The following OSBPL8 variants were observed in gnomAD, a reference collection of about 807,000 sequenced individuals.
The protein encoded by OSBPL8 is oxysterol-binding protein-related protein 8.
Under a neutral mutation model 125.5 loss-of-function variants are expected in OSBPL8, and 59 were observed. The ratio of observed to expected loss-of-function variants is 0.47; its 90% CI spans 0.38 to 0.58. OSBPL8 has a LOEUF of 0.58. Among genes scored for constraint, OSBPL8 ranks in the 20% least tolerant of loss-of-function variants. The pLI, the probability that OSBPL8 is intolerant of heterozygous loss-of-function variation, is 0.00. For synonymous variants in OSBPL8, 330 were observed against 338.9 expected, an observed-to-expected ratio of 0.97 and a Z score of 0.29; for missense variants, 758 against 1,047.8, an observed-to-expected ratio of 0.72 and a Z score of 3.82.
At chr12:76,532,930 A>T (rs777092305) in intron 1 of OSBPL8, among the ~76,000 whole-genome samples, 1 of 152,228 alleles carries the variant, frequency 6.6e-6, no homozygotes, top group Admixed American at 6.5e-5. Flanking sequence ...ATCTTGGAAG[A>T]AAATGAGCTT....
intron 21 of OSBPL8, among the ~76,000 whole-genome samples, chr12:76,361,594 C>T (rs1019170393): frequency 1.2e-4 from 19 of 152,080 alleles, no homozygotes; most frequent in African/African-American, 4.3e-4. Context: ...AAAGACATAC[C>T]CGAGATGGGA....
chr12:76,512,572 G>A (rs1188948902), intron 1 of OSBPL8, among the ~76,000 whole-genome samples: 3 of 152,142 alleles, frequency 2.0e-5, no homozygotes, highest in Non-Finnish European at 2.9e-5. Context: ...GTTCCATACT[G>A]TTTTTGTTAC....
At chr12:76,415,304 G>A (rs1394865587) in intron 4 of OSBPL8, among the ~76,000 whole-genome samples, 1 of 150,152 alleles carries the variant, frequency 6.7e-6, no homozygotes, top group Non-Finnish European at 1.5e-5. Context: ...CTGGAGTGCA[G>A]TGGCACGATC....
At chr12:76,525,542 T>TAAC (rs3043336) in intron 1 of OSBPL8, among the ~76,000 whole-genome samples, 77,087 of 151,696 alleles carry the variant, frequency 0.51, 21,311 homozygotes, top group African/African-American at 0.72. Flanking sequence ...CATATGCTCT[T>TAAC]AACTGATAAT....
chr12:76,478,162 T>C (rs1288463293), intron 2 of OSBPL8, among the ~76,000 whole-genome samples: 1 of 151,804 alleles, frequency 6.6e-6, no homozygotes, highest in African/African-American at 2.4e-5. Context: ...AGACTGCGCC[T>C]CTGCACTCCA....
At chr12:76,536,490 T>TTATCATA (rs1950501561) in intron 1 of OSBPL8, among the ~76,000 whole-genome samples, 1 of 152,210 alleles carries the variant, frequency 6.6e-6, no homozygotes, top group South Asian at 2.1e-4. Flanking sequence ...ATCTTATCAC[T>TTATCATA]GTACTACTTA....
chr12:76,414,794 T>C (rs1215619214), intron 4 of OSBPL8, among the ~76,000 whole-genome samples: 1 of 152,188 alleles, frequency 6.6e-6, no homozygotes, highest in Admixed American at 6.5e-5. Flanking sequence ...GTTCACTCCT[T>C]CTAGTTTTCT....
At chr12:76,384,515 TA>T (rs1190220999) in intron 14 of OSBPL8, among the ~76,000 whole-genome samples, 165 bp from the exon 15 acceptor site, 5 of 152,214 alleles carry the variant, frequency 3.3e-5, no homozygotes, top group Non-Finnish European at 7.4e-5. Flanking sequence ...ATGGTTATAG[TA>T]ACCAGCCTCC....
intron 1 of OSBPL8, among the ~76,000 whole-genome samples, chr12:76,516,740 TG>T (rs1377255851): frequency 6.6e-6 from 1 of 151,730 alleles, no homozygotes; most frequent in African/African-American, 2.4e-5. Flanking sequence ...ATATGGTTGA[TG>T]AAGGAAACAT....
chr12:76,476,455 T>C (rs1457016637), intron 2 of OSBPL8, among the ~76,000 whole-genome samples: 1 of 151,990 alleles, frequency 6.6e-6, no homozygotes, highest in Non-Finnish European at 1.5e-5. Flanking sequence ...AACAAGCAAA[T>C]ATTTTTAAAG....
intron 1 of OSBPL8, among the ~76,000 whole-genome samples, chr12:76,502,246 C>T (rs1289412361): frequency 3.3e-5 from 5 of 152,182 alleles, no homozygotes; most frequent in African/African-American, 9.6e-5. Context: ...ATGGAAGTGA[C>T]ATCATCCACT....
At chr12:76,552,769 G>A (rs188342446) in intron 1 of OSBPL8, among the ~76,000 whole-genome samples, 70 of 152,240 alleles carry the variant, frequency 4.6e-4, no homozygotes, top group African/African-American at 1.4e-3. Flanking sequence ...GCTAGTAAGT[G>A]GCTGTACCAG....
chr12:76,372,522 C>A (rs1018480538), intron 18 of OSBPL8, among the ~76,000 whole-genome samples: 3 of 151,890 alleles, frequency 2.0e-5, no homozygotes, highest in African/African-American at 7.3e-5. Flanking sequence ...GCTGCTTTAT[C>A]TTTTTTCCAG....
intron 4 of OSBPL8, among the ~76,000 whole-genome samples, chr12:76,440,572 T>G (rs1460735386): frequency 1.3e-5 from 2 of 152,032 alleles, no homozygotes; most frequent in Non-Finnish European, 2.9e-5. Flanking sequence ...ATAATATGGA[T>G]TTTGACCCCA....
chr12:76,449,384 T>C (rs1873103760), intron 4 of OSBPL8, among the ~76,000 whole-genome samples: 1 of 152,252 alleles, frequency 6.6e-6, no homozygotes, highest in African/African-American at 2.4e-5. Context: ...CCTGAACTTC[T>C]GGGAGTACCC....
chr12:76,464,919 T>C (rs1472923459), intron 2 of OSBPL8, among the ~76,000 whole-genome samples: 1 of 152,156 alleles, frequency 6.6e-6, no homozygotes, highest in Non-Finnish European at 1.5e-5. Flanking sequence ...ATCTGAAGAG[T>C]GCTCTATTTA....
intron 1 of OSBPL8, among the ~76,000 whole-genome samples, chr12:76,515,370 T>G (rs1881428473): frequency 6.6e-6 from 1 of 152,224 alleles, no homozygotes; most frequent in Non-Finnish European, 1.5e-5. Context: ...GTGCAGGATC[T>G]TTATTTCATG....
chr12:76,364,779 G>GT (rs1952350580), intron 21 of OSBPL8, among the ~76,000 whole-genome samples: 1 of 152,122 alleles, frequency 6.6e-6, no homozygotes, highest in South Asian at 2.1e-4. Context: ...TAGCTTTATA[G>GT]TAAGTTTTGA....
intron 2 of OSBPL8, among the ~76,000 whole-genome samples, chr12:76,463,848 G>A (rs142610302): frequency 7.8e-4 from 119 of 152,232 alleles, no homozygotes; most frequent in African/African-American, 2.7e-3. Flanking sequence ...ACAAAGTAAC[G>A]TATACCACTG....
Sources: gnomAD v4.1 joint callset for allele counts (sites outside exome capture counted in the v4.1 genomes callset) on GRCh38, gnomAD v4.1.1 for gene constraint, MANE v1.5 for transcripts, NCBI Gene and HGNC (gene_info 2026-07-23, HGNC 2026-07-21) for gene names.